Variants in AP3B2 observed in about 807,000 individuals in gnomAD.
AP3B2 encodes the protein AP-3 complex subunit beta-2.
AP3B2 carries 50 observed loss-of-function variants against 126.9 expected under a neutral mutation model. That is an observed-to-expected ratio of 0.39 (90% CI 0.31 to 0.50). The LOEUF (loss-of-function observed/expected upper bound fraction) is 0.50. Ranked by LOEUF, AP3B2 falls within the 20% of genes least tolerant of loss-of-function variation. AP3B2 has a pLI of 0.79. For synonymous variants in AP3B2, 541 were observed against 565.0 expected, an observed-to-expected ratio of 0.96 and a Z score of 0.60; for missense variants, 1,177 against 1,426.4, an observed-to-expected ratio of 0.83 and a Z score of 2.82.
chr15:82,709,829 A>T lies in AP3B2; in HGVS notation c.-123T>A. The T allele has an allele frequency of 1.4e-6, 1 of 705,608 alleles. No homozygotes were observed. Among genetic ancestry groups the T allele is most frequent in the Non-Finnish European group, 2.1e-6 (1 of 469,004 alleles). The allele number at this position is 705,608 out of a possible 1,614,324, so 43.7% of individuals were successfully genotyped here. A position where few individuals can be genotyped will look rare whatever the true frequency, so the allele number is the denominator to read the frequency against. ...GAAGGCGGCGGCGCGGCAGGGGTTC[A>T]GCAGAGGCTGCAGTGTGCAGCGGCG... is the stretch of plus-strand genomic sequence containing the variant. On this transcript the variant is annotated 5_prime_UTR_variant, in exon 1 of 27. Transcript: ENST00000535359.
At chr15:82,679,431 A>G (rs2048294630) in intron 10 of AP3B2, among the ~76,000 whole-genome samples, 1 of 152,202 alleles carries the variant, frequency 6.6e-6, no homozygotes, top group African/African-American at 2.4e-5. Flanking sequence ...CAGAGTCTAT[A>G]TTTTTATAAA....
intron 15 of AP3B2, 29 bp downstream of exon 15, chr15:82,666,718 G>A: frequency 6.2e-7 from 1 of 1,606,632 alleles, no homozygotes; most frequent in Non-Finnish European, 8.5e-7. Context: ...CATTCCCCTA[G>A]GAAGGTTACC....
intron 1 of AP3B2, among the ~76,000 whole-genome samples, chr15:82,701,416 CA>C (rs917110491): frequency 7.2e-4 from 109 of 151,160 alleles, no homozygotes; most frequent in Admixed American, 6.6e-4. Context: ...TTTTAAGAAA[CA>C]AAAAAAAAAA....
rs936090724 is a variant in AP3B2, at chr15:82,693,079, T to C, written c.114-3626A>G. Reference sequence around the variant, plus strand: ...TCAAAACATAAACACCACGAGACGATGATAAAAGCTGTTTGGTACCAGGTT... The same window carrying C: ...TCAAAACATAAACACCACGAGACGACGATAAAAGCTGTTTGGTACCAGGTT... On this transcript the variant is annotated intron_variant, in intron 1 of 26. Coordinates refer to ENST00000535359, the MANE Select transcript of AP3B2 (RefSeq NM_001278512.2). Among the ~76,000 whole-genome samples, 10 of 151,826 alleles carry C rather than the reference T, an allele frequency of 6.6e-5. No homozygotes were observed. In the South Asian group the frequency reaches 8.3e-4, roughly 13 times the overall value.
At chr15:82,688,457 G>A (rs1286663052) in intron 4 of AP3B2, 7 of 702,158 alleles carry the variant, frequency 1.0e-5, no homozygotes, top group South Asian at 8.9e-5. Context: ...CTCTCCGGGG[G>A]CTCAAGTGGT....
Position 82,659,324 on chromosome 15 carries a change from A to T in AP3B2, c.*236T>A. ...TTGAGCCTGCTACATAAATAGCTACAGAAATCTGGGAGGACTGAAGGGAGT... is the reference window on the plus strand; with the variant it reads ...TTGAGCCTGCTACATAAATAGCTACTGAAATCTGGGAGGACTGAAGGGAGT... On this transcript the variant is annotated 3_prime_UTR_variant, in exon 27 of 27. Coordinates refer to ENST00000535359, the MANE Select transcript of AP3B2 (RefSeq NM_001278512.2). The T allele has an allele frequency of 2.0e-6, 1 of 490,538 alleles. No homozygotes were observed. The highest frequency in any genetic ancestry group is 3.4e-5 in the South Asian group (1 of 29,150). 30.4% of individuals were successfully genotyped at this position (490,538 alleles called of 1,614,324 possible). A position where few individuals can be genotyped will look rare whatever the true frequency, so the allele number is the denominator to read the frequency against.
chr15:82,708,649 T>C (rs1197090931), intron 1 of AP3B2: 1 of 152,314 alleles, frequency 6.6e-6, no homozygotes, highest in East Asian at 1.9e-4. Context: ...TCTGATTATG[T>C]CGCCTGCTTA....
intron 1 of AP3B2, 54 bp downstream of exon 1, chr15:82,709,540 T>C: frequency 1.5e-6 from 2 of 1,328,482 alleles, no homozygotes; most frequent in Non-Finnish European, 2.0e-6. Flanking sequence ...CCCGCGCGCC[T>C]CGCCCGGTCC....
intron 1 of AP3B2, chr15:82,692,031 A>G: frequency 6.8e-7 from 1 of 1,472,966 alleles, no homozygotes; most frequent in Non-Finnish European, 9.4e-7. Flanking sequence ...CTGCCTGAGG[A>G]AGTCCTGAAA....
intron 1 of AP3B2, chr15:82,689,758 C>T (rs569212288): frequency 5.5e-6 from 2 of 361,288 alleles, no homozygotes; most frequent in East Asian, 1.2e-4. Context: ...TAAATGCAAT[C>T]CTACTCTAAT....
intron 1 of AP3B2, 78 bp downstream of exon 1, chr15:82,709,516 C>G (rs2048849067): frequency 9.5e-7 from 1 of 1,053,032 alleles, no homozygotes; most frequent in Non-Finnish European, 1.2e-6. Flanking sequence ...TGGGGCCGGG[C>G]GCTGTCCATG....
chr15:82,701,881 T>C (rs1324458289), intron 1 of AP3B2, among the ~76,000 whole-genome samples: 2 of 152,208 alleles, frequency 1.3e-5, no homozygotes, highest in African/African-American at 4.8e-5. Flanking sequence ...TAGAAAGGAA[T>C]TGAGCTCTTC....
At position 82,665,017 on chromosome 15, in the gene AP3B2, CT is replaced by C; in HGVS notation, c.2029-75del. On this transcript the variant is annotated intron_variant, in intron 17 of 26. Coordinates refer to ENST00000535359, the MANE Select transcript of AP3B2 (RefSeq NM_001278512.2). The surrounding 1 kb of genome is among the most constrained non-coding windows in gnomAD (Gnocchi z 4.4). Reference sequence around the variant, plus strand: ...AGGCAGGCAGGCACAAGCCCTTACCCTTTATTCCACCTCTTTGTGAGGCCCT... The same window carrying C: ...AGGCAGGCAGGCACAAGCCCTTACCCTTATTCCACCTCTTTGTGAGGCCCT... 8.1e-7 allele frequency: 1 copy of C among 1,231,094 alleles called. No homozygotes were observed. The highest frequency in any genetic ancestry group is 1.2e-6 in the Non-Finnish European group (1 of 856,346). 76.3% of individuals were successfully genotyped at this position (1,231,094 alleles called of 1,614,324 possible).
intron 1 of AP3B2, among the ~76,000 whole-genome samples, chr15:82,701,695 T>C (rs1596198452): frequency 6.6e-6 from 1 of 152,370 alleles, no homozygotes; most frequent in East Asian, 1.9e-4. Context: ...TAAGGTACGA[T>C]GTCAATGACA....
In AP3B2 at chr15:82,665,731, C is replaced by T. The variant is rs2048047176; in HGVS notation, c.1853-156G>A. Among the ~76,000 whole-genome samples, 2 of 152,198 alleles carry T rather than the reference C, an allele frequency of 1.3e-5. No individual in the cohort carries two copies. Among genetic ancestry groups the T allele is most frequent in the African/African-American group, 4.8e-5 (2 of 41,454 alleles). On this transcript the variant is annotated intron_variant, in intron 15 of 26. Transcript: ENST00000535359. The surrounding 1 kb of genome is among the most constrained non-coding windows in gnomAD (Gnocchi z 4.4). The stretch of plus-strand genomic sequence containing the variant: ...TGCCCTAATGGCTCTTCCACCCTGA[C>T]TGCACCTTTAGGCCCACATGCTGGA...
intron 22 of AP3B2, 41 bp downstream of exon 22, chr15:82,663,086 T>C: frequency 6.5e-7 from 1 of 1,541,546 alleles, no homozygotes; most frequent in South Asian, 1.2e-5. Flanking sequence ...CACAGGGATG[T>C]GTCCCTGCCC....
At chr15:82,697,674 G>A (rs2048650901) in intron 1 of AP3B2, among the ~76,000 whole-genome samples, 1 of 152,228 alleles carries the variant, frequency 6.6e-6, no homozygotes, top group Non-Finnish European at 1.5e-5. Context: ...AAGCAAAATA[G>A]AAAGATGATG....
chr15:82,667,823 G>C (rs988276474), intron 14 of AP3B2, among the ~76,000 whole-genome samples: 3 of 152,152 alleles, frequency 2.0e-5, no homozygotes, highest in South Asian at 4.1e-4. Context: ...ACTGCACCTA[G>C]GCCTGCATCT....
At chr15:82,684,757 G>A (rs1196728807) in intron 4 of AP3B2, among the ~76,000 whole-genome samples, 1 of 152,202 alleles carries the variant, frequency 6.6e-6, no homozygotes, top group East Asian at 1.9e-4. Flanking sequence ...CTCCCAAAGT[G>A]CTGGGATTAC....
Sources: allele counts gnomAD v4.1 joint callset (sites outside exome capture counted in the v4.1 genomes callset), GRCh38; gene constraint gnomAD v4.1.1; non-coding constraint Gnocchi (gnomAD v3.1); transcripts MANE v1.5; gene names NCBI Gene and HGNC (gene_info 2026-07-23, HGNC 2026-07-21).